The following USP5 variants were observed in gnomAD, a reference collection of about 807,000 sequenced individuals.
USP5 encodes the protein ubiquitin carboxyl-terminal hydrolase 5.
A neutral mutation model predicts 102.5 loss-of-function variants in USP5; 24 were observed. That is an observed-to-expected ratio of 0.23 (90% CI 0.17 to 0.33). USP5 has a LOEUF of 0.33. USP5 is among the 10% of genes least tolerant of loss of function. USP5 has a pLI of 1.00. For missense variants in USP5, 753 were observed against 1,122.1 expected (o/e 0.67, Z 4.70); for synonymous variants, 460 against 434.8 (o/e 1.06, Z -0.72).
chr12:6,852,678 T>A (rs1209640295), intron 1 of USP5, among the ~76,000 whole-genome samples: 2 of 151,708 alleles, frequency 1.3e-5, no homozygotes, highest in African/African-American at 4.8e-5. Flanking sequence ...CGTGTAGGAG[T>A]GATGGGGACG....
In USP5 at chr12:6,863,100, C is replaced by T; in HGVS notation, c.1763-86C>T. On this transcript the variant is annotated intron_variant, in intron 14 of 19. Coordinates refer to ENST00000229268, the MANE Select transcript of USP5 (RefSeq NM_001098536.2). The surrounding 1 kb of genome is among the most constrained non-coding windows in gnomAD (Gnocchi z 4.7). Reference sequence around the variant, plus strand: ...AGCAGCTCCTCTTTACAGAGCAGTTCTGACATAGGGGGCAGGGGATTGAGG... The same window carrying T: ...AGCAGCTCCTCTTTACAGAGCAGTTTTGACATAGGGGGCAGGGGATTGAGG... 7 of 1,380,918 alleles carry T rather than the reference C, an allele frequency of 5.1e-6. No homozygotes were observed. In the South Asian group the frequency reaches 9.8e-5, roughly 19 times the overall value. 85.5% of individuals were successfully genotyped at this position (1,380,918 alleles called of 1,614,324 possible).
chr12:6,857,094 T>C (rs1260620524), intron 6 of USP5, among the ~76,000 whole-genome samples: 1 of 151,990 alleles, frequency 6.6e-6, no homozygotes, highest in Non-Finnish European at 1.5e-5. Flanking sequence ...GAGACCAGCC[T>C]GGGCAACATA....
In USP5 at chr12:6,864,725, A is replaced by G. The variant is rs568667985; in HGVS notation, c.2248A>G (p.Asn750Asp). The change falls in exon 18 of 20, where the codon AAT becomes GAT. Residue 750 changes from asparagine (N) to aspartate (D), a missense_variant. Around this residue, in one of 3 missense-constraint regions of USP5, gnomAD observed 193 missense variants for 230.2 expected, o/e 0.84. Transcript: ENST00000229268. The surrounding 1 kb of genome is among the most constrained non-coding windows in gnomAD (Gnocchi z 4.8). The stretch of plus-strand genomic sequence containing the variant: ...TAATGCTTCCTTCCTCTCCAAGAAC[A>G]ATAGTTTAGAACGGGCTGTGGACTG... ...QALKALRATNNSLERAVDWIF... is the reference protein window; with the variant it reads ...QALKALRATNDSLERAVDWIF... The G allele has an allele frequency of 6.2e-5, 100 of 1,608,388 alleles. No homozygotes were observed. Among genetic ancestry groups the G allele is most frequent in the Non-Finnish European group, 8.4e-5 (99 of 1,179,622 alleles).
Position 6,855,659 on chromosome 12 carries a change from G to T in USP5, c.238-96G>T. The T allele has an allele frequency of 6.3e-7, 1 of 1,593,596 alleles. No individual in the cohort carries two copies. The highest frequency in any genetic ancestry group is 1.7e-5 in the Admixed American group (1 of 58,076). ...CACAGATGTTTTTTAGCTTTATTCCGTTCTGAGATGAAGCACTACCTCCTT... is the reference window on the plus strand; with the variant it reads ...CACAGATGTTTTTTAGCTTTATTCCTTTCTGAGATGAAGCACTACCTCCTT... On this transcript the variant is annotated intron_variant, in intron 2 of 19. Transcript: ENST00000229268. The surrounding 1 kb of genome is among the most constrained non-coding windows in gnomAD (Gnocchi z 4.6).
chr12:6,857,639 A>T lies in USP5; in HGVS notation c.780A>T (p.Ser260=), dbSNP rs1944157439. The T allele has an allele frequency of 1.2e-6, 2 of 1,613,702 alleles. No homozygotes were observed. Among genetic ancestry groups the T allele is most frequent in the East Asian group, 2.2e-5 (1 of 44,878 alleles). ...TITPDGADVY[S]YDEDDMVLDP... ...TGCCTCCTGCTCTAGACGTGTACTC[A>T]TATGATGAGGATGACATGGTCCTGG... The change falls in exon 7 of 20, where the codon TCA becomes TCT. Residue 260 remains serine, a synonymous_variant. Coordinates refer to ENST00000229268, the MANE Select transcript of USP5 (RefSeq NM_001098536.2).
chr12:6,861,165 G>A lies in USP5; in HGVS notation c.1498+59G>A. On this transcript the variant is annotated intron_variant, in intron 12 of 19. Transcript: ENST00000229268. The surrounding 1 kb of genome is among the most constrained non-coding windows in gnomAD (Gnocchi z 4.9). ...TGGGAGGCTAAGGTCTAGGAGGAAT[G>A]CTTGGGCACCTCATGGGAGCACAGC... 1 of 1,597,844 alleles carries A rather than the reference G, an allele frequency of 6.3e-7. No homozygotes were observed. Among genetic ancestry groups the A allele is most frequent in the Non-Finnish European group, 8.5e-7 (1 of 1,171,370 alleles).
At chr12:6,857,433 T>G in intron 6 of USP5, 196 bp from the exon 7 acceptor site, 1 of 527,494 alleles carries the variant, frequency 1.9e-6, no homozygotes, top group Non-Finnish European at 3.4e-6. Flanking sequence ...TCACCCGGTT[T>G]CATCTGTCTT....
intron 14 of USP5, among the ~76,000 whole-genome samples, 199 bp from the exon 15 acceptor site, chr12:6,862,987 A>C (rs1944321598): frequency 6.6e-6 from 1 of 152,142 alleles, no homozygotes; most frequent in African/African-American, 2.4e-5. Flanking sequence ...TTTATGGTAG[A>C]TCTAGGACCA....
intron 6 of USP5, among the ~76,000 whole-genome samples, chr12:6,857,133 A>G (rs1944140390): frequency 6.6e-6 from 1 of 152,006 alleles, no homozygotes; most frequent in South Asian, 2.1e-4. Context: ...AAAAAAGAAA[A>G]AAAAAGAAAA....
rs1555130120 is a variant in USP5 at position 6,863,906 on chromosome 12, C to T, written c.2031C>T (p.Val677=). Residue 677 remains valine, a synonymous_variant, in exon 16 of 20, where the codon GTC becomes GTT. Transcript: ENST00000229268. This position sits in a 1 kb window ranked among gnomAD's most constrained non-coding sequence, Gnocchi z 4.7. ...GFPMDACRKA[V]YYTGNSGAEA... The stretch of plus-strand genomic sequence containing the variant: ...CTATGGACGCCTGCCGCAAAGCTGT[C>T]TACTACACGGGCAACAGCGGGGCTG... The T allele has an allele frequency of 6.2e-7, 1 of 1,612,188 alleles. No individual in the cohort carries two copies. The highest frequency in any genetic ancestry group is 1.1e-5 in the South Asian group (1 of 90,896).
chr12:6,864,981 T>C lies in USP5; in HGVS notation c.2398+106T>C, dbSNP rs1944391724. ...GCCCTCCTCAGGAGTCAGGGGCTTC[T>C]TTCCACCTCAACGTGGCATCTGAGG... is the stretch of plus-strand genomic sequence containing the variant. On this transcript the variant is annotated intron_variant, in intron 18 of 19. Transcript: ENST00000229268. This position sits in a 1 kb window ranked among gnomAD's most constrained non-coding sequence, Gnocchi z 4.8. The C allele has an allele frequency of 6.8e-7, 1 of 1,477,508 alleles. No individual in the cohort carries two copies. The allele number at this position is 1,477,508 out of a possible 1,614,324, so 91.5% of individuals were successfully genotyped here.
chr12:6,857,780 C>T (rs1944163335), intron 7 of USP5, 57 bp downstream of exon 7: 1 of 1,564,084 alleles, frequency 6.4e-7, no homozygotes, highest in African/African-American at 1.3e-5. Flanking sequence ...AGGGCCCTTC[C>T]TCTTTGCCTG....
Position 6,863,086 on chromosome 12 carries a change from T to C in USP5, c.1763-100T>C. 2.4e-6 allele frequency: 3 copies of C among 1,238,888 alleles called. No individual in the cohort carries two copies. The highest frequency in any genetic ancestry group is 3.3e-6 in the Non-Finnish European group (3 of 911,120). 76.7% of individuals were successfully genotyped at this position (1,238,888 alleles called of 1,614,324 possible). On this transcript the variant is annotated intron_variant, in intron 14 of 19. Transcript: ENST00000229268. The surrounding 1 kb of genome is among the most constrained non-coding windows in gnomAD (Gnocchi z 4.7). The stretch of plus-strand genomic sequence containing the variant: ...GGTGCCGTGCTTTTAGCAGCTCCTC[T>C]TTACAGAGCAGTTCTGACATAGGGG...
rs1381499916 is a variant in USP5 at position 6,857,645 on chromosome 12, T to C, written c.786T>C (p.Asp262=). The C allele has an allele frequency of 6.2e-7, 1 of 1,613,926 alleles. No individual in the cohort carries two copies. Residue 262 remains aspartate (D), a synonymous_variant, in exon 7 of 20, where the codon GAT becomes GAC. Transcript: ENST00000229268. ...CTGCTCTAGACGTGTACTCATATGA[T>C]GAGGATGACATGGTCCTGGACCCCA... The part of the protein sequence containing the change: ...TPDGADVYSY[D]EDDMVLDPSL...
At chr12:6,859,716 G>A (rs921628000) in intron 9 of USP5, among the ~76,000 whole-genome samples, 175 bp downstream of exon 9, 1 of 152,110 alleles carries the variant, frequency 6.6e-6, no homozygotes, top group African/African-American at 2.4e-5. Context: ...GCAGTGGCGC[G>A]ATCTCGGCTC....
intron 6 of USP5, 95 bp from the exon 7 acceptor site, chr12:6,857,534 C>T: frequency 9.7e-7 from 1 of 1,035,946 alleles, no homozygotes; most frequent in Non-Finnish European, 1.5e-6. Context: ...GGCTCTCCTT[C>T]TGTCCCCTCA....
chr12:6,857,530 CCTT>C lies in USP5; in HGVS notation c.770-96_770-94del, dbSNP rs1335757440. Reference sequence around the variant, plus strand: ...CAAGAGGGTGGACCTTACTGGCTCTCCTTCTGTCCCCTCAAGTCCCTTCTGTGC... The same window carrying C: ...CAAGAGGGTGGACCTTACTGGCTCTCCTGTCCCCTCAAGTCCCTTCTGTGC... On this transcript the variant is annotated intron_variant, in intron 6 of 19. Transcript: ENST00000229268. 22 of 996,276 alleles carry C rather than the reference CCTT, an allele frequency of 2.2e-5. No individual in the cohort carries two copies. In the East Asian group the frequency reaches 5.4e-4, roughly 24 times the overall value. 61.7% of individuals were successfully genotyped at this position (996,276 alleles called of 1,614,324 possible).
In USP5 at chr12:6,861,328, G is replaced by A. The variant is rs1271816835; in HGVS notation, c.1499-115G>A. 1 of 1,344,218 alleles carries A rather than the reference G, an allele frequency of 7.4e-7. No homozygotes were observed. The highest frequency in any genetic ancestry group is 1.5e-5 in the African/African-American group (1 of 68,432). The allele number at this position is 1,344,218 out of a possible 1,614,324, so 83.3% of individuals were successfully genotyped here. On this transcript the variant is annotated intron_variant, in intron 12 of 19. Transcript: ENST00000229268. This position sits in a 1 kb window ranked among gnomAD's most constrained non-coding sequence, Gnocchi z 4.9. ...GCGAGATATATTGGACATGTGTCAG[G>A]GGTGCTTTGGAAGGGTAGAGGAACT...
intron 6 of USP5, chr12:6,857,399 C>A: frequency 2.0e-6 from 1 of 508,872 alleles, no homozygotes. Context: ...CAGGTAGAAT[C>A]AGAATCACAA....
Sources: gnomAD v4.1 joint callset for allele counts (sites outside exome capture counted in the v4.1 genomes callset) on GRCh38, gnomAD v4.1.1 for gene constraint, gnomAD v4.1.1 regional missense constraint, Gnocchi (gnomAD v3.1) non-coding constraint, MANE v1.5 for transcripts, NCBI Gene and HGNC (gene_info 2026-07-23, HGNC 2026-07-21) for gene names.